The following CNTN4 variants were observed in gnomAD, a reference collection of about 807,000 sequenced individuals.
The protein encoded by CNTN4 is contactin 4.
In CNTN4, 77 loss-of-function variants were observed where a neutral mutation model predicts 122.5. The observed-to-expected ratio is 0.63, with a 90% CI of 0.52 to 0.76. The LOEUF (loss-of-function observed/expected upper bound fraction) is 0.76, where lower values mean the gene tolerates loss of function less well. Among genes scored for constraint, CNTN4 ranks in the 30% least tolerant of loss-of-function variants. The probability of loss-of-function intolerance (pLI) is 0.00; values close to 1 mark genes in which losing one functional copy is unlikely to be tolerated. For synonymous variants in CNTN4, 512 were observed against 447.0 expected (o/e 1.15, Z -1.83); for missense variants, 1,256 against 1,259.1 (o/e 1.00, Z 0.04).
At chr3:2,147,557 C>T (rs186130687) in intron 2 of CNTN4, among the ~76,000 whole-genome samples, 6 of 152,022 alleles carry the variant, frequency 3.9e-5, no homozygotes, top group East Asian at 1.9e-4. Context: ...CCCTCTTTCC[C>T]GTCCTCCACT....
At chr3:2,246,066 G>T (rs2040133361) in intron 2 of CNTN4, among the ~76,000 whole-genome samples, 1 of 151,940 alleles carries the variant, frequency 6.6e-6, no homozygotes, top group Non-Finnish European at 1.5e-5. Flanking sequence ...TTTTCAGAAT[G>T]TCAGTGGTCC....
At chr3:2,748,792 A>C (rs372017607) in intron 6 of CNTN4, among the ~76,000 whole-genome samples, 1 of 152,198 alleles carries the variant, frequency 6.6e-6, no homozygotes, top group Non-Finnish European at 1.5e-5. Context: ...AAACTGCCAG[A>C]GTAATCTTTT....
chr3:2,678,800 C>T (rs562724884), intron 4 of CNTN4, among the ~76,000 whole-genome samples: 18 of 152,142 alleles, frequency 1.2e-4, no homozygotes, highest in African/African-American at 2.9e-4. Context: ...GTATGTCTTA[C>T]GAAGCAGGCC....
chr3:2,995,355 T>G (rs1245745731), intron 14 of CNTN4, among the ~76,000 whole-genome samples: 2 of 152,212 alleles, frequency 1.3e-5, no homozygotes, highest in East Asian at 1.9e-4. Flanking sequence ...ATAACATGCC[T>G]TTGGCGATAT....
chr3:2,990,628 G>A (rs79762160), intron 14 of CNTN4, among the ~76,000 whole-genome samples: 13,373 of 152,212 alleles, frequency 0.088, 788 homozygotes, highest in Non-Finnish European at 0.13. Flanking sequence ...GGACAAAACC[G>A]TTCCCAACCA....
In CNTN4 at chr3:3,030,920, C is replaced by T. The variant is rs1330536710; in HGVS notation, c.1728C>T (p.Cys576=). 6.2e-7 allele frequency: 1 copy of T among 1,614,028 alleles called. No homozygotes were observed. The change falls in exon 16 of 25, where the codon TGC becomes TGT. Residue 576 remains cysteine, a synonymous_variant. Coordinates refer to ENST00000418658, the MANE Select transcript of CNTN4 (RefSeq NM_175607.3). The part of the protein sequence containing the change: ...IQLKHAGKYV[C]MVQTSVDRLS... ...TGAAGCATGCTGGGAAATATGTCTG[C>T]ATGGTCCAAACAAGTGTGGACAGGC... is the stretch of plus-strand genomic sequence containing the variant.
In CNTN4 at chr3:2,866,850, GA is replaced by G; in HGVS notation, c.558del (p.Lys186AsnfsTer15). ...TGGGAATCTGTATATTGCCAAAGTA[GA>G]AAAATCAGATGTTGGGAATTATACC... Reference protein sequence around the residue: ...ETGNLYIAKVEKSDVGNYTCV... With the variant: ...ETGNLYIAKVXKSDVGNYTCV... On this transcript the variant is annotated frameshift_variant, in exon 8 of 25. Transcript: ENST00000418658. LOFTEE classifies it high-confidence loss of function. 6.2e-7 allele frequency: 1 copy of G among 1,614,006 alleles called. No individual in the cohort carries two copies. The highest frequency in any genetic ancestry group is 1.1e-5 in the South Asian group (1 of 91,082).
chr3:2,296,804 CA>C (rs1353975859), intron 2 of CNTN4, among the ~76,000 whole-genome samples: 1 of 70,232 alleles, frequency 1.4e-5, no homozygotes, highest in African/African-American at 5.3e-5. Context: ...AAAAAAACAA[CA>C]AAAAACTATA....
In CNTN4 at chr3:2,777,642, A is replaced by G. The variant is rs541963250; in HGVS notation, c.358+31945A>G. Among the ~76,000 whole-genome samples, 3 of 152,326 alleles carry G rather than the reference A, an allele frequency of 2.0e-5. 1 individual carries two copies. The highest frequency in any genetic ancestry group is 7.2e-5 in the African/African-American group (3 of 41,586). On this transcript the variant is annotated intron_variant, in intron 6 of 24. Transcript: ENST00000418658. ...CTGTTCTGCCACACAGCATGTAACA[A>G]GAAAAATGGAGTCATGAATTCTTGG...
intron 14 of CNTN4, among the ~76,000 whole-genome samples, chr3:3,014,774 A>C (rs1332173553): frequency 6.6e-6 from 1 of 151,928 alleles, no homozygotes; most frequent in Non-Finnish European, 1.5e-5. Flanking sequence ...TGTATCTTTA[A>C]ATTTTGTGTT....
At chr3:2,274,194 C>G (rs532590654) in intron 2 of CNTN4, among the ~76,000 whole-genome samples, 1 of 152,040 alleles carries the variant, frequency 6.6e-6, no homozygotes, top group African/African-American at 2.4e-5. Flanking sequence ...ACCAGCCTGT[C>G]CAACATGGTG....
At position 2,803,976 on chromosome 3, in the gene CNTN4, A is replaced by T. The variant is rs2092406317; in HGVS notation, c.359-15510A>T. Among the ~76,000 whole-genome samples, 2 of 151,980 alleles carry T rather than the reference A, an allele frequency of 1.3e-5. 1 individual carries two copies. The highest frequency in any genetic ancestry group is 4.8e-5 in the African/African-American group (2 of 41,356). On this transcript the variant is annotated intron_variant, in intron 6 of 24. Coordinates refer to ENST00000418658, the MANE Select transcript of CNTN4 (RefSeq NM_175607.3). ...AGTAAAAATAGCAAGTGTTAGAGGA[A>T]TGCATAGTACAATTCCATTTTTATG...
chr3:2,381,605 T>A (rs887395531), intron 3 of CNTN4, among the ~76,000 whole-genome samples: 1 of 152,180 alleles, frequency 6.6e-6, no homozygotes, highest in Non-Finnish European at 1.5e-5. Flanking sequence ...TGCATGGTAG[T>A]TTTTCCCTTC....
At position 2,903,053 on chromosome 3, in the gene CNTN4, A is replaced by T. The variant is rs577015076; in HGVS notation, c.1207+48A>T. ...AAAAAAAATTAAAACTCTTTAGATC[A>T]CTAAACTAACTTGTTCTTTGCCAAG... is the stretch of plus-strand genomic sequence containing the variant. On this transcript the variant is annotated intron_variant, in intron 12 of 24. Coordinates refer to ENST00000418658, the MANE Select transcript of CNTN4 (RefSeq NM_175607.3). The T allele has an allele frequency of 1.8e-5, 29 of 1,571,210 alleles. 1 individual carries two copies. The South Asian group carries it at 3.0e-4, about 16-fold the overall frequency.
chr3:2,099,757 G>T (rs1307168001), intron 1 of CNTN4: 1 of 152,294 alleles, frequency 6.6e-6, no homozygotes, highest in East Asian at 1.9e-4. Context: ...CAACCGCCCC[G>T]TCCCCTCCCC....
intron 3 of CNTN4, among the ~76,000 whole-genome samples, chr3:2,484,730 A>G (rs1477458448): frequency 6.6e-6 from 1 of 152,186 alleles, no homozygotes; most frequent in Non-Finnish European, 1.5e-5. Context: ...TCCTGAGCCT[A>G]TTGAGAGGTG....
At chr3:2,240,543 A>ATTTTT (rs1248642822) in intron 2 of CNTN4, among the ~76,000 whole-genome samples, 2 of 152,098 alleles carry the variant, frequency 1.3e-5, no homozygotes, top group Non-Finnish European at 2.9e-5. Flanking sequence ...AAATCCTATG[A>ATTTTT]TTTTATGATT....
At chr3:2,191,116 G>T (rs1031196517) in intron 2 of CNTN4, among the ~76,000 whole-genome samples, 5 of 152,012 alleles carry the variant, frequency 3.3e-5, no homozygotes, top group Admixed American at 1.3e-4. Context: ...GTTTTGAAGA[G>T]ATGGGGTCTG....
rs1254641697 is a variant in CNTN4, at chr3:2,704,163, G to A, written c.56-32052G>A. ...AATACAAAAATTAGCCAGGTGTGGT[G>A]GCATACACCTGTAGTCCCCAGTACT... On this transcript the variant is annotated intron_variant, in intron 4 of 24. Transcript: ENST00000418658. Among the ~76,000 whole-genome samples, 4 of 151,914 alleles carry A rather than the reference G, an allele frequency of 2.6e-5. No individual in the cohort carries two copies. The East Asian group carries it at 7.8e-4, about 30-fold the overall frequency.
Sources: allele counts gnomAD v4.1 joint callset (sites outside exome capture counted in the v4.1 genomes callset), GRCh38; gene constraint gnomAD v4.1.1; transcripts MANE v1.5; gene names NCBI Gene and HGNC (gene_info 2026-07-23, HGNC 2026-07-21).